Variants in KDM4C observed in about 807,000 individuals in gnomAD.
KDM4C encodes lysine demethylase 4C.
Under a neutral mutation model 129.3 loss-of-function variants are expected in KDM4C, and 81 were observed. That is an observed-to-expected ratio of 0.63 (90% CI 0.52 to 0.75). The LOEUF is 0.75. Among genes scored for constraint, KDM4C ranks in the 30% least tolerant of loss-of-function variants. The probability of loss-of-function intolerance (pLI) is 0.00; values close to 1 mark genes in which losing one functional copy is unlikely to be tolerated. For synonymous variants in KDM4C, 573 were observed against 456.1 expected (o/e 1.26, Z -3.26); for missense variants, 1,457 against 1,304.0 (o/e 1.12, Z -1.81).
chr9:6,729,204 CAAAA>C (rs1186478804), intron 1 of KDM4C, among the ~76,000 whole-genome samples: 1 of 32,098 alleles, frequency 3.1e-5, no homozygotes, highest in East Asian at 1.1e-3. Flanking sequence ...GCTCCGTCTC[CAAAA>C]AAAAAAAAAA....
chr9:6,983,310 T>C (rs534194437), intron 9 of KDM4C, among the ~76,000 whole-genome samples: 17 of 152,316 alleles, frequency 1.1e-4, no homozygotes, highest in African/African-American at 3.6e-4. Context: ...TTGTTCCTAA[T>C]TGTTAGGAAT....
At chr9:7,069,235 A>G (rs1323064399) in intron 17 of KDM4C, among the ~76,000 whole-genome samples, 1 of 152,244 alleles carries the variant, frequency 6.6e-6, no homozygotes, top group Non-Finnish European at 1.5e-5. Context: ...TGATGTTAAA[A>G]TAATGATGAA....
intron 17 of KDM4C, among the ~76,000 whole-genome samples, chr9:7,067,453 C>A (rs1488867229): frequency 2.0e-5 from 3 of 152,204 alleles, no homozygotes; most frequent in Admixed American, 2.0e-4. Context: ...TTCTATTTCT[C>A]TGAGAAATGT....
At position 6,897,498 on chromosome 9, in the gene KDM4C, C is replaced by A. The variant is rs150224910; in HGVS notation, c.921+4266C>A. 2.0e-5 allele frequency among the ~76,000 whole-genome samples: 3 copies of A among 152,274 alleles called. No homozygotes were observed. In the East Asian group the frequency reaches 5.8e-4, roughly 29 times the overall value. ...CCTTGCATTTAGCAGGAACAACTGACCTAAGAAGGCAGTTGTGTAATTTTC... is the reference window on the plus strand; with the variant it reads ...CCTTGCATTTAGCAGGAACAACTGAACTAAGAAGGCAGTTGTGTAATTTTC... On this transcript the variant is annotated intron_variant, in intron 8 of 21. Transcript: ENST00000381309.
chr9:6,812,070 C>G (rs1167115346), intron 3 of KDM4C, among the ~76,000 whole-genome samples: 1 of 151,982 alleles, frequency 6.6e-6, no homozygotes, highest in Non-Finnish European at 1.5e-5. Context: ...TTATCTTTCT[C>G]TCTTAGAGTT....
intron 13 of KDM4C, among the ~76,000 whole-genome samples, chr9:7,012,581 A>T (rs190570791): frequency 1.3e-4 from 20 of 152,316 alleles, no homozygotes; most frequent in Middle Eastern, 3.4e-3. Flanking sequence ...TGCAAAAGAC[A>T]CAGCCAAGAC....
At chr9:6,916,966 C>A (rs749408036) in intron 8 of KDM4C, among the ~76,000 whole-genome samples, 24 of 152,152 alleles carry the variant, frequency 1.6e-4, no homozygotes, top group Admixed American at 3.3e-4. Flanking sequence ...GGAAATGATA[C>A]AAAGTTGAAT....
intron 7 of KDM4C, among the ~76,000 whole-genome samples, chr9:6,889,483 C>T (rs1423604123): frequency 6.6e-6 from 1 of 151,894 alleles, no homozygotes; most frequent in African/African-American, 2.4e-5. Context: ...TGTAGGGAGG[C>T]ACTATGGATG....
chr9:7,021,138 G>GTA lies in KDM4C; in HGVS notation c.2259+5210_2259+5211insAT, dbSNP rs1417492555. Among the ~76,000 whole-genome samples, 23 of 109,518 alleles carry GTA rather than the reference G, an allele frequency of 2.1e-4. No homozygotes were observed. In the East Asian group the frequency reaches 4.5e-3, roughly 21 times the overall value. 71.8% of individuals were successfully genotyped at this position (109,518 alleles called of 152,430 possible). On this transcript the variant is annotated intron_variant, in intron 15 of 21. Transcript: ENST00000381309. ...TATATATATGTGTGTGTGTGTGTGTGTGTATATATATATATGTATTTTTTT... is the reference window on the plus strand; with the variant it reads ...TATATATATGTGTGTGTGTGTGTGTGTATGTATATATATATATGTATTTTTTT...
intron 17 of KDM4C, among the ~76,000 whole-genome samples, chr9:7,064,425 C>T (rs1009693634): frequency 2.6e-5 from 4 of 152,236 alleles, no homozygotes; most frequent in Middle Eastern, 3.4e-3. Context: ...ACCATGTTGG[C>T]AGCAAGGTCA....
At chr9:6,813,209 T>G (rs930932834) in intron 3 of KDM4C, among the ~76,000 whole-genome samples, 3 of 151,970 alleles carry the variant, frequency 2.0e-5, no homozygotes, top group South Asian at 4.2e-4. Context: ...AAAAAAAAAT[T>G]TTTAATTCTT....
intron 18 of KDM4C, among the ~76,000 whole-genome samples, chr9:7,126,372 G>C (rs920923664): frequency 6.6e-6 from 1 of 152,106 alleles, no homozygotes; most frequent in Non-Finnish European, 1.5e-5. Context: ...AGTTTTTCTA[G>C]TCTAAAACTA....
At chr9:6,774,174 C>T (rs1336405163) in intron 1 of KDM4C, among the ~76,000 whole-genome samples, 1 of 152,022 alleles carries the variant, frequency 6.6e-6, no homozygotes, top group East Asian at 1.9e-4. Flanking sequence ...AGGTGTGAGC[C>T]ACCGTGCCTG....
At chr9:6,895,157 C>G (rs1350392197) in intron 8 of KDM4C, among the ~76,000 whole-genome samples, 1 of 152,238 alleles carries the variant, frequency 6.6e-6, no homozygotes, top group Non-Finnish European at 1.5e-5. Flanking sequence ...TCTCTTGCTG[C>G]TGTAGCAAAT....
chr9:7,075,480 G>A (rs1833799101), intron 17 of KDM4C, among the ~76,000 whole-genome samples: 1 of 152,146 alleles, frequency 6.6e-6, no homozygotes, highest in Non-Finnish European at 1.5e-5. Context: ...GACGGAATAA[G>A]TTAGCTCCTG....
At chr9:7,089,750 G>C (rs188363087) in intron 17 of KDM4C, among the ~76,000 whole-genome samples, 221 of 152,278 alleles carry the variant, frequency 1.5e-3, no homozygotes, top group African/African-American at 5.0e-3. Context: ...CAAAGGGTGG[G>C]GGTATGGAAG....
At chr9:6,910,654 G>C (rs1008539595) in intron 8 of KDM4C, among the ~76,000 whole-genome samples, 1 of 152,190 alleles carries the variant, frequency 6.6e-6, no homozygotes, top group East Asian at 1.9e-4. Flanking sequence ...ACACCCCAGA[G>C]CATGCCAAGG....
chr9:6,899,431 T>G (rs1346421969), intron 8 of KDM4C, among the ~76,000 whole-genome samples: 1 of 152,074 alleles, frequency 6.6e-6, no homozygotes, highest in Non-Finnish European at 1.5e-5. Context: ...TCACTCTGGG[T>G]GTTGTACATT....
At chr9:6,732,724 A>C (rs1411146134) in intron 1 of KDM4C, among the ~76,000 whole-genome samples, 1 of 152,114 alleles carries the variant, frequency 6.6e-6, no homozygotes, top group Non-Finnish European at 1.5e-5. Flanking sequence ...AAGTACCACC[A>C]CGTGGTGGCT....
Sources: gnomAD v4.1 joint callset for allele counts (sites outside exome capture counted in the v4.1 genomes callset) on GRCh38, gnomAD v4.1.1 for gene constraint, MANE v1.5 for transcripts, NCBI Gene and HGNC (gene_info 2026-07-23, HGNC 2026-07-21) for gene names.